Variants in PGM5 observed in about 807,000 individuals in gnomAD.
PGM5 encodes the protein phosphoglucomutase-like protein 5.
A neutral mutation model predicts 59.2 loss-of-function variants in PGM5; 23 were observed. The observed-to-expected ratio is 0.39, with a 90% CI of 0.28 to 0.55. PGM5 has a LOEUF of 0.55. Among genes scored for constraint, PGM5 ranks in the 20% least tolerant of loss-of-function variants. The pLI is 0.66. For missense variants in PGM5, 574 were observed against 748.3 expected (o/e 0.77, Z 2.72); for synonymous variants, 214 against 286.0 (o/e 0.75, Z 2.54).
intron 10 of PGM5, among the ~76,000 whole-genome samples, chr9:68,511,545 C>CTTTTTTTTTTTTTTTTTTTTTTTTTT (rs3064033): frequency 1.6e-5 from 1 of 62,728 alleles, no homozygotes; most frequent in Non-Finnish European, 2.8e-5. Flanking sequence ...TTGTTTTTGC[C>CTTTTTTTTTTTTTTTTTTTTTTTTTT]TTTTTTTTTT....
intron 10 of PGM5, among the ~76,000 whole-genome samples, chr9:68,520,710 G>A (rs949279072): frequency 6.6e-6 from 1 of 152,198 alleles, no homozygotes; most frequent in African/African-American, 2.4e-5. Flanking sequence ...TCTGTGAATA[G>A]GAATCAAAGG....
chr9:68,363,189 G>T (rs1834614492), intron 1 of PGM5, among the ~76,000 whole-genome samples: 1 of 152,180 alleles, frequency 6.6e-6, no homozygotes, highest in African/African-American at 2.4e-5. Context: ...TTTTTCTAAA[G>T]TCTTCTTTCT....
At chr9:68,381,651 C>T (rs1822077263) in intron 2 of PGM5, among the ~76,000 whole-genome samples, 1 of 151,392 alleles carries the variant, frequency 6.6e-6, no homozygotes, top group African/African-American at 2.4e-5. Context: ...CACACACACA[C>T]ACACACACAA....
chr9:68,402,093 G>C (rs1419471581), intron 6 of PGM5, among the ~76,000 whole-genome samples: 1 of 152,034 alleles, frequency 6.6e-6, no homozygotes, highest in Non-Finnish European at 1.5e-5. Flanking sequence ...CGAAGCCCCT[G>C]TCTCTACTAA....
intron 3 of PGM5, among the ~76,000 whole-genome samples, chr9:68,386,462 G>T (rs1199826206): frequency 1.6e-4 from 24 of 152,180 alleles, no homozygotes; most frequent in Non-Finnish European, 3.2e-4. Context: ...TATTTGATCA[G>T]ATGAAGGAAT....
Position 68,479,529 on chromosome 9 carries a change from A to C in PGM5, c.1271A>C (p.Lys424Thr). ...GAAATTGTCCGAGATCACTGGGCCA[A>C]ATTTGGCCGCCACTACTATTGCAGG... The part of the protein sequence containing the change: ...VEEIVRDHWA[K>T]FGRHYYCRFD... The change falls in exon 8 of 11, where the codon AAA becomes ACA. Residue 424 changes from lysine (K) to threonine (T), a missense_variant. Around this residue, in one of 7 missense-constraint regions of PGM5, gnomAD observed 300 missense variants for 280.0 expected, o/e 1.07. Transcript: ENST00000396396. 2.5e-6 allele frequency: 4 copies of C among 1,614,072 alleles called. 1 individual carries two copies. The highest frequency in any genetic ancestry group is 2.2e-5 in the East Asian group (1 of 44,856).
chr9:68,493,137 C>T (rs1554687982), intron 9 of PGM5, among the ~76,000 whole-genome samples: 4 of 152,180 alleles, frequency 2.6e-5, no homozygotes. Context: ...TGCCAAATAA[C>T]TGTTGGTAAT....
chr9:68,391,152 C>A (rs568490462), intron 4 of PGM5, among the ~76,000 whole-genome samples: 41 of 151,888 alleles, frequency 2.7e-4, no homozygotes, highest in African/African-American at 8.9e-4. Flanking sequence ...ATTGCAGAGA[C>A]AAAGAACATT....
chr9:68,417,465 A>T (rs1554682072), intron 6 of PGM5, among the ~76,000 whole-genome samples: 2 of 152,120 alleles, frequency 1.3e-5, no homozygotes, highest in African/African-American at 4.8e-5. Context: ...CATTAGTGGA[A>T]ATTTTTGATC....
chr9:68,518,808 G>A lies in PGM5; in HGVS notation c.1615-10759G>A, dbSNP rs369094235. ...GGGTAAGAGACACAAAGGATACAGT[G>A]AGAAGTGCTAACATAATTTAGTTGG... On this transcript the variant is annotated intron_variant, in intron 10 of 10. Coordinates refer to ENST00000396396, the MANE Select transcript of PGM5 (RefSeq NM_021965.4). Among the ~76,000 whole-genome samples the A allele has an allele frequency of 3.9e-5, 6 of 152,216 alleles. 1 individual carries two copies. In the South Asian group the frequency reaches 1.2e-3, roughly 31 times the overall value.
At chr9:68,474,134 G>A (rs1824065909) in intron 7 of PGM5, among the ~76,000 whole-genome samples, 1 of 152,144 alleles carries the variant, frequency 6.6e-6, no homozygotes, top group South Asian at 2.1e-4. Context: ...ATCATTAAAA[G>A]TTTTTATTTT....
intron 9 of PGM5, chr9:68,497,793 C>T (rs1379909523): frequency 6.6e-6 from 1 of 151,892 alleles, no homozygotes; most frequent in Non-Finnish European, 1.5e-5. Context: ...CTGGCCCCTG[C>T]CAATATGCTT....
intron 7 of PGM5, among the ~76,000 whole-genome samples, chr9:68,474,952 G>A (rs1554686548): frequency 6.7e-6 from 1 of 148,400 alleles, no homozygotes; most frequent in African/African-American, 2.5e-5. Context: ...TATGACTCTA[G>A]AAAAGGCATG....
chr9:68,384,179 G>C (rs545955796), intron 2 of PGM5, among the ~76,000 whole-genome samples: 4 of 152,066 alleles, frequency 2.6e-5, no homozygotes, highest in African/African-American at 7.2e-5. Flanking sequence ...AAACATATGG[G>C]TTGTTAGTCT....
At chr9:68,394,767 C>T (rs1443512895) in intron 6 of PGM5, among the ~76,000 whole-genome samples, 12 of 151,794 alleles carry the variant, frequency 7.9e-5, no homozygotes, top group East Asian at 7.8e-4. Context: ...ACTACACATG[C>T]GCCATCATAC....
intron 6 of PGM5, among the ~76,000 whole-genome samples, chr9:68,426,469 C>A (rs1367355128): frequency 6.6e-6 from 1 of 152,114 alleles, no homozygotes; most frequent in Admixed American, 6.5e-5. Flanking sequence ...TTCCACTTTT[C>A]ATATCTAATG....
chr9:68,357,633 G>A, intron 1 of PGM5: 1 of 597,406 alleles, frequency 1.7e-6, no homozygotes, highest in South Asian at 2.0e-5. Context: ...GGTTTCCGTC[G>A]TTCCTGGAGC....
chr9:68,511,545 CTTTTTTTTTT>C (rs3064033), intron 10 of PGM5, among the ~76,000 whole-genome samples: 2 of 62,728 alleles, frequency 3.2e-5, no homozygotes, highest in Non-Finnish European at 2.8e-5. Context: ...TTGTTTTTGC[CTTTTTTTTTT>C]TTTTTTTTTT....
chr9:68,448,656 G>A (rs145109655), intron 6 of PGM5, among the ~76,000 whole-genome samples: 297 of 152,126 alleles, frequency 2.0e-3, no homozygotes, highest in Non-Finnish European at 2.9e-3. Flanking sequence ...TCCTTCTTAC[G>A]CCCATTGGAA....
Sources: gnomAD v4.1 joint callset for allele counts (sites outside exome capture counted in the v4.1 genomes callset) on GRCh38, gnomAD v4.1.1 for gene constraint, gnomAD v4.1.1 regional missense constraint, MANE v1.5 for transcripts, NCBI Gene and HGNC (gene_info 2026-07-23, HGNC 2026-07-21) for gene names.